The following XKR4 variants were observed in gnomAD, a reference collection of about 807,000 sequenced individuals.
The protein encoded by XKR4 is XK related 4.
Under a neutral mutation model 53.9 loss-of-function variants are expected in XKR4, and 12 were observed. The ratio of observed to expected loss-of-function variants is 0.22; its 90% CI spans 0.14 to 0.36. The LOEUF (loss-of-function observed/expected upper bound fraction) is 0.36, where lower values mean the gene tolerates loss of function less well. XKR4 is among the 10% of genes least tolerant of loss of function. The probability of loss-of-function intolerance (pLI) is 1.00; values close to 1 mark genes in which losing one functional copy is unlikely to be tolerated. For synonymous variants in XKR4, 354 were observed against 362.4 expected (o/e 0.98, Z 0.26); for missense variants, 799 against 859.5 (o/e 0.93, Z 0.88).
At chr8:55,290,435 T>C (rs971455411) in intron 1 of XKR4, among the ~76,000 whole-genome samples, 15 of 152,092 alleles carry the variant, frequency 9.9e-5, no homozygotes, top group Non-Finnish European at 1.5e-4. Context: ...TTATTTTATT[T>C]TAAGTTCTGG....
At chr8:55,302,567 A>G (rs1261246503) in intron 1 of XKR4, among the ~76,000 whole-genome samples, 1 of 152,184 alleles carries the variant, frequency 6.6e-6, no homozygotes, top group African/African-American at 2.4e-5. Flanking sequence ...ATGGCATTGA[A>G]TCTATAAATT....
At chr8:55,514,767 T>G (rs1806686691) in intron 2 of XKR4, among the ~76,000 whole-genome samples, 1 of 152,184 alleles carries the variant, frequency 6.6e-6, no homozygotes, top group East Asian at 1.9e-4. Context: ...ATTGGGCATC[T>G]CAGGTTACTT....
At chr8:55,454,250 T>A in intron 2 of XKR4, 3 of 1,229,794 alleles carry the variant, frequency 2.4e-6, no homozygotes, top group Non-Finnish European at 2.4e-6. Flanking sequence ...TCCATCCAGA[T>A]CAGCTACAAT....
chr8:55,169,070 G>A (rs1817112960), intron 1 of XKR4, among the ~76,000 whole-genome samples: 1 of 152,134 alleles, frequency 6.6e-6, no homozygotes, highest in Non-Finnish European at 1.5e-5. Context: ...TTCTAGACAT[G>A]TTGCATACTA....
intron 1 of XKR4, among the ~76,000 whole-genome samples, chr8:55,279,383 G>A (rs1252013029): frequency 6.6e-6 from 1 of 152,186 alleles, no homozygotes; most frequent in Non-Finnish European, 1.5e-5. Flanking sequence ...TGATGCTGAG[G>A]TGGGAGCACT....
intron 2 of XKR4, chr8:55,454,705 G>A: frequency 2.3e-6 from 2 of 860,302 alleles, no homozygotes; most frequent in Non-Finnish European, 4.0e-6. Context: ...CACGTGGACG[G>A]CATAGATGAG....
rs923082513 is a variant in XKR4 at position 55,485,363 on chromosome 8, G to C, written c.1007-37918G>C. Reference sequence around the variant, plus strand: ...TGCTTATCTGAACAAAAAATCCCAAGGAATATACAAAAACAAACAAAAAAC... The same window carrying C: ...TGCTTATCTGAACAAAAAATCCCAACGAATATACAAAAACAAACAAAAAAC... On this transcript the variant is annotated intron_variant, in intron 2 of 2. Transcript: ENST00000327381. 2.0e-5 allele frequency among the ~76,000 whole-genome samples: 3 copies of C among 151,830 alleles called. No homozygotes were observed. In the East Asian group the frequency reaches 5.8e-4, roughly 29 times the overall value.
intron 1 of XKR4, among the ~76,000 whole-genome samples, chr8:55,215,466 A>G (rs1007097703): frequency 6.6e-6 from 1 of 152,244 alleles, no homozygotes; most frequent in Non-Finnish European, 1.5e-5. Context: ...AATTGCACTC[A>G]TGGATACAGA....
At chr8:55,305,646 T>C (rs1171175090) in intron 1 of XKR4, among the ~76,000 whole-genome samples, 2 of 152,160 alleles carry the variant, frequency 1.3e-5, no homozygotes, top group African/African-American at 4.8e-5. Flanking sequence ...ATTTGACATA[T>C]TTTATAAAAT....
chr8:55,137,103 AT>A (rs1816641226), intron 1 of XKR4, among the ~76,000 whole-genome samples: 1 of 152,160 alleles, frequency 6.6e-6, no homozygotes, highest in African/African-American at 2.4e-5. Flanking sequence ...TAGTGTAAGC[AT>A]TTTATGTCTA....
chr8:55,534,906 A>G lies in XKR4; in HGVS notation c.*10679A>G, dbSNP rs988626113. ...AAAGTTTTCTGTCTAATCTTTTGGT[A>G]TAACAATTTTAGGAGTTCACCCTAG... is the stretch of plus-strand genomic sequence containing the variant. On this transcript the variant is annotated 3_prime_UTR_variant, in exon 3 of 3. Coordinates refer to ENST00000327381, the MANE Select transcript of XKR4 (RefSeq NM_052898.2). The G allele has an allele frequency of 5.3e-5, 8 of 151,968 alleles. No homozygotes were observed. Among genetic ancestry groups the G allele is most frequent in the African/African-American group, 1.9e-4 (8 of 41,344 alleles). 9.4% of individuals were successfully genotyped at this position (151,968 alleles called of 1,614,324 possible).
intron 2 of XKR4, among the ~76,000 whole-genome samples, chr8:55,406,521 G>T (rs1046070243): frequency 1.3e-5 from 2 of 152,146 alleles, no homozygotes; most frequent in Non-Finnish European, 2.9e-5. Context: ...AGAAAGGCCC[G>T]GGTCTGCCTG....
In XKR4 at chr8:55,116,514, C is replaced by T. The variant is rs542857958; in HGVS notation, c.806+13220C>T. ...TTGTCTTCCTACGTGAGAAATGTAA[C>T]GTTCAACAATATGACAAGACATGTC... On this transcript the variant is annotated intron_variant, in intron 1 of 2. Coordinates refer to ENST00000327381, the MANE Select transcript of XKR4 (RefSeq NM_052898.2). 3.9e-5 allele frequency among the ~76,000 whole-genome samples: 6 copies of T among 152,154 alleles called. No homozygotes were observed. The South Asian group carries it at 8.3e-4, about 21-fold the overall frequency.
chr8:55,345,058 G>T (rs925889956), intron 1 of XKR4, among the ~76,000 whole-genome samples: 2 of 152,146 alleles, frequency 1.3e-5, no homozygotes, highest in Non-Finnish European at 2.9e-5. Context: ...ATGGCAGGTG[G>T]ATCACTTGAG....
intron 1 of XKR4, among the ~76,000 whole-genome samples, chr8:55,137,271 T>C (rs1275594093): frequency 3.9e-5 from 6 of 152,050 alleles, no homozygotes; most frequent in Non-Finnish European, 4.4e-5. Context: ...AAAAGAAAAC[T>C]TGTGAAATTC....
chr8:55,144,002 T>A (rs1354791808), intron 1 of XKR4, among the ~76,000 whole-genome samples: 1 of 152,180 alleles, frequency 6.6e-6, no homozygotes, highest in East Asian at 1.9e-4. Flanking sequence ...CTGCTTTTTA[T>A]TACTTCTCCC....
chr8:55,511,092 G>A (rs1247000051), intron 2 of XKR4, among the ~76,000 whole-genome samples: 3 of 152,270 alleles, frequency 2.0e-5, no homozygotes, highest in Non-Finnish European at 2.9e-5. Flanking sequence ...AGCAAGCCAC[G>A]TTCTTTTTAT....
At chr8:55,308,599 T>G (rs569786499) in intron 1 of XKR4, among the ~76,000 whole-genome samples, 68 of 152,294 alleles carry the variant, frequency 4.5e-4, no homozygotes, top group South Asian at 1.2e-3. Context: ...GAGATTTGGG[T>G]GGGGACACAG....
chr8:55,408,467 C>CA (rs1804722881), intron 2 of XKR4, among the ~76,000 whole-genome samples: 1 of 152,190 alleles, frequency 6.6e-6, no homozygotes, highest in African/African-American at 2.4e-5. Context: ...GCCCAGGGAA[C>CA]CGCAGCAGGA....
Sources: gnomAD v4.1 joint callset for allele counts (sites outside exome capture counted in the v4.1 genomes callset) on GRCh38, gnomAD v4.1.1 for gene constraint, MANE v1.5 for transcripts, NCBI Gene and HGNC (gene_info 2026-07-23, HGNC 2026-07-21) for gene names.